KLF12: variants seen among roughly 807,000 people sequenced by gnomAD.
The protein encoded by KLF12 is Krueppel-like factor 12.
In KLF12, 9 loss-of-function variants were observed where a neutral mutation model predicts 37.8. The observed-to-expected ratio is 0.24, with a 90% CI of 0.14 to 0.42. The LOEUF is 0.42. KLF12 is among the 10% of genes least tolerant of loss of function. The probability of loss-of-function intolerance (pLI) is 1.00; values close to 1 mark genes in which losing one functional copy is unlikely to be tolerated. For missense variants in KLF12, 411 were observed against 516.0 expected, an observed-to-expected ratio of 0.80 and a Z score of 1.97; for synonymous variants, 208 against 202.1, an observed-to-expected ratio of 1.03 and a Z score of -0.25.
intron 3 of KLF12, among the ~76,000 whole-genome samples, chr13:73,867,994 C>A (rs1419157349): frequency 2.0e-5 from 3 of 149,288 alleles, no homozygotes; most frequent in South Asian, 2.1e-4. Flanking sequence ...GCACTCCAGC[C>A]TGGGCAACAA....
chr13:73,862,630 G>C (rs1885990903), intron 3 of KLF12, among the ~76,000 whole-genome samples: 1 of 152,032 alleles, frequency 6.6e-6, no homozygotes, highest in Admixed American at 6.6e-5. Flanking sequence ...AGAGTCAAAA[G>C]GTTAAGTAAA....
intron 1 of KLF12, among the ~76,000 whole-genome samples, chr13:74,018,846 G>T (rs1318717592): frequency 6.6e-6 from 1 of 152,118 alleles, no homozygotes; most frequent in Admixed American, 6.5e-5. Context: ...TGGCAATGGT[G>T]TTTCACTCCA....
the KLF12 span, among the ~76,000 whole-genome samples, chr13:74,242,340 G>A: frequency 6.6e-6 from 1 of 152,234 alleles, no homozygotes; most frequent in Non-Finnish European, 1.5e-5. Flanking sequence ...ATGGGCTGGG[G>A]AGGCCTCACA....
the KLF12 span, among the ~76,000 whole-genome samples, chr13:74,286,697 G>T: frequency 6.6e-6 from 1 of 152,180 alleles, no homozygotes; most frequent in South Asian, 2.1e-4. Flanking sequence ...TCTTAATCCT[G>T]AGATGACTTA....
At chr13:73,893,212 TG>T (rs1339304927) in intron 3 of KLF12, among the ~76,000 whole-genome samples, 1 of 151,992 alleles carries the variant, frequency 6.6e-6, no homozygotes, top group East Asian at 1.9e-4. Context: ...TCTTTTCTAA[TG>T]ACTAAATAAA....
At chr13:73,868,516 G>A (rs1388338545) in intron 3 of KLF12, among the ~76,000 whole-genome samples, 2 of 151,674 alleles carry the variant, frequency 1.3e-5, no homozygotes, top group Non-Finnish European at 2.9e-5. Flanking sequence ...TCAGCCTCCC[G>A]AGTAGCTGGG....
At chr13:73,710,761 G>A (rs1190847346) in intron 7 of KLF12, among the ~76,000 whole-genome samples, 1 of 128,418 alleles carries the variant, frequency 7.8e-6, no homozygotes, top group African/African-American at 3.3e-5. Flanking sequence ...ATTGAAATTA[G>A]GCCAGTTAGT....
At chr13:74,141,009 G>A in the KLF12 span, among the ~76,000 whole-genome samples, 3 of 152,122 alleles carry the variant, frequency 2.0e-5, no homozygotes, top group Non-Finnish European at 4.4e-5. Flanking sequence ...AGCTTGCAGT[G>A]AGCCGAGATG....
chr13:73,770,407 A>C (rs925075242), intron 5 of KLF12, among the ~76,000 whole-genome samples: 5 of 152,196 alleles, frequency 3.3e-5, no homozygotes, highest in African/African-American at 1.2e-4. Context: ...GAAATGCCAT[A>C]TATTTTTAAA....
chr13:74,173,259 T>A, the KLF12 span, among the ~76,000 whole-genome samples: 1 of 152,212 alleles, frequency 6.6e-6, no homozygotes, highest in Non-Finnish European at 1.5e-5. Context: ...GAAAGGAACC[T>A]TTTCACTCAT....
Position 74,025,785 on chromosome 13 carries a change from T to C in KLF12, c.-31-30732A>G, listed in dbSNP as rs1439238769. ...GATGAATAAAGTAAATGAAACACAT[T>C]TGACTGACTGGATGACATTACCAAA... On this transcript the variant is annotated intron_variant, in intron 1 of 7. Transcript: ENST00000377669. Among the ~76,000 whole-genome samples, 15 of 152,106 alleles carry C rather than the reference T, an allele frequency of 9.9e-5. 1 individual carries two copies. Among genetic ancestry groups the C allele is most frequent in the Admixed American group, 9.8e-4 (15 of 15,274 alleles).
rs190782937 is a variant in KLF12 at position 74,121,001 on chromosome 13, C to T, written c.-32+12738G>A. On this transcript the variant is annotated intron_variant, in intron 1 of 7. Transcript: ENST00000377669. ...AAAAATAGAAAACAAATAGCAAGTT[C>T]CAGAAACCCAATTATACAAAAAGTA... Among the ~76,000 whole-genome samples the T allele has an allele frequency of 1.4e-3, 216 of 152,164 alleles. 1 individual carries two copies. Among genetic ancestry groups the T allele is most frequent in the African/African-American group, 4.4e-3 (181 of 41,536 alleles).
At chr13:74,241,948 TTGGC>T in the KLF12 span, among the ~76,000 whole-genome samples, 1 of 152,222 alleles carries the variant, frequency 6.6e-6, no homozygotes, top group South Asian at 2.1e-4. Context: ...CTGTTCCTAT[TTGGC>T]CATCTTGGCT....
At chr13:74,025,787 G>C (rs1056249251) in intron 1 of KLF12, among the ~76,000 whole-genome samples, 15 of 152,086 alleles carry the variant, frequency 9.9e-5, no homozygotes, top group Admixed American at 9.8e-4. Context: ...AAACACATTT[G>C]ACTGACTGGA....
intron 7 of KLF12, among the ~76,000 whole-genome samples, chr13:73,711,679 C>T (rs1018683414): frequency 6.6e-6 from 1 of 152,176 alleles, no homozygotes; most frequent in South Asian, 2.1e-4. Context: ...CCCTAGAGCT[C>T]TGATGAGATG....
chr13:73,856,163 T>TA (rs776030133), intron 3 of KLF12, among the ~76,000 whole-genome samples: 6 of 152,252 alleles, frequency 3.9e-5, no homozygotes, highest in East Asian at 1.9e-4. Context: ...GCTGGGGACT[T>TA]AGAGATGAAG....
intron 1 of KLF12, among the ~76,000 whole-genome samples, chr13:74,133,304 T>C (rs967703819): frequency 9.2e-5 from 14 of 151,942 alleles, no homozygotes; most frequent in Non-Finnish European, 1.5e-4. Flanking sequence ...GGGGGCCAAC[T>C]ACTTCCACGA....
At chr13:74,294,789 G>C in the KLF12 span, among the ~76,000 whole-genome samples, 1 of 152,052 alleles carries the variant, frequency 6.6e-6, no homozygotes, top group Non-Finnish European at 1.5e-5. Context: ...ATCCCCACAG[G>C]CGCTGCCTCA....
At chr13:73,763,367 T>G (rs1165991398) in intron 6 of KLF12, among the ~76,000 whole-genome samples, 1 of 152,204 alleles carries the variant, frequency 6.6e-6, no homozygotes, top group African/African-American at 2.4e-5. Context: ...ATAGAAACCA[T>G]GTTTTATTTA....
Sources: allele counts gnomAD v4.1 joint callset (sites outside exome capture counted in the v4.1 genomes callset), GRCh38; gene constraint gnomAD v4.1.1; transcripts MANE v1.5; gene names NCBI Gene and HGNC (gene_info 2026-07-23, HGNC 2026-07-21).